RPA1: variants seen among roughly 807,000 people sequenced by gnomAD.
The protein encoded by RPA1 is replication protein A1.
RPA1 carries 49 observed loss-of-function variants against 83.0 expected under a neutral mutation model. The observed-to-expected ratio is 0.59, with a 90% CI of 0.47 to 0.75. The LOEUF (loss-of-function observed/expected upper bound fraction) is 0.75. RPA1 is among the 30% of genes least tolerant of loss of function. RPA1 has a pLI of 0.00. For missense variants in RPA1, 693 were observed against 776.1 expected (o/e 0.89, Z 1.27); for synonymous variants, 279 against 281.8 (o/e 0.99, Z 0.10).
In RPA1 at chr17:1,897,067, G is replaced by A. The variant is rs371095278; in HGVS notation, c.1747-4G>A. On this transcript the variant is annotated splice_region_variant and splice_polypyrimidine_tract_variant and intron_variant, in intron 16 of 16. Transcript: ENST00000254719. ...GCTCACAAACTACTTCTCCCTTTTT[G>A]AAGGACGAGTCTCGAATTAAGGCCA... 5 of 1,564,548 alleles carry A rather than the reference G, an allele frequency of 3.2e-6. No homozygotes were observed. In the Admixed American group the frequency reaches 5.7e-5, roughly 18 times the overall value.
chr17:1,840,672 A>G (rs1374537764), intron 1 of RPA1, among the ~76,000 whole-genome samples: 1 of 152,174 alleles, frequency 6.6e-6, no homozygotes, highest in Non-Finnish European at 1.5e-5. Context: ...CGTCTCCGAA[A>G]TGCTGGGATT....
chr17:1,885,781 G>C (rs145427331), intron 13 of RPA1, among the ~76,000 whole-genome samples: 1 of 152,066 alleles, frequency 6.6e-6, no homozygotes, highest in African/African-American at 2.4e-5. Context: ...TCCTTTTCAG[G>C]TTTTCAATTT....
At chr17:1,836,139 A>G (rs1311457326) in intron 1 of RPA1, among the ~76,000 whole-genome samples, 4 of 151,886 alleles carry the variant, frequency 2.6e-5, no homozygotes, top group African/African-American at 9.7e-5. Context: ...TATTTGAGGC[A>G]GAGTTTCCTC....
chr17:1,898,113 G>A lies in RPA1; in HGVS notation c.*938G>A, dbSNP rs898827758. The A allele has an allele frequency of 3.3e-5, 5 of 152,168 alleles. No homozygotes were observed. The highest frequency in any genetic ancestry group is 1.2e-4 in the African/African-American group (5 of 41,454). 9.4% of individuals were successfully genotyped at this position (152,168 alleles called of 1,614,324 possible). A position where few individuals can be genotyped will look rare whatever the true frequency, so the allele number is the denominator to read the frequency against. On this transcript the variant is annotated 3_prime_UTR_variant, in exon 17 of 17. Transcript: ENST00000254719. ...TGCAAAGAGTTCCTATAACTGGAAAGCAATTAATTAGCCTTCATAATAAAT... is the reference window on the plus strand; with the variant it reads ...TGCAAAGAGTTCCTATAACTGGAAAACAATTAATTAGCCTTCATAATAAAT...
At chr17:1,880,712 C>G in intron 12 of RPA1, 21 bp downstream of exon 12, 1 of 1,611,092 alleles carries the variant, frequency 6.2e-7, no homozygotes, top group South Asian at 1.1e-5. Context: ...TGGGGCTAAA[C>G]AAAGGGTTAC....
At chr17:1,851,804 T>C (rs1338618037) in intron 4 of RPA1, among the ~76,000 whole-genome samples, 1 of 150,132 alleles carries the variant, frequency 6.7e-6, no homozygotes, top group Admixed American at 6.7e-5. Flanking sequence ...CAGGAACAGA[T>C]AATTTCAGGC....
chr17:1,864,059 T>G (rs1302657730), intron 5 of RPA1, among the ~76,000 whole-genome samples: 13 of 152,240 alleles, frequency 8.5e-5, no homozygotes, highest in African/African-American at 3.1e-4. Context: ...GATGTTCATG[T>G]GGCTTATTTG....
At chr17:1,889,688 C>A (rs1248970599) in intron 14 of RPA1, among the ~76,000 whole-genome samples, 1 of 151,852 alleles carries the variant, frequency 6.6e-6, no homozygotes, top group East Asian at 1.9e-4. Flanking sequence ...TAGAACTAGG[C>A]GATAATAGCA....
Position 1,877,226 on chromosome 17 carries a change from C to G in RPA1, c.602C>G (p.Ala201Gly). The G allele has an allele frequency of 6.2e-7, 1 of 1,614,158 alleles. No individual in the cohort carries two copies. Among genetic ancestry groups the G allele is most frequent in the Non-Finnish European group, 8.5e-7 (1 of 1,180,010 alleles). Residue 201 changes from alanine to glycine, a missense_variant, in exon 8 of 17, where the codon GCT becomes GGT. By Grantham distance (60) the Ala-to-Gly change is moderately conservative (BLOSUM62 0). Coordinates refer to ENST00000254719, the MANE Select transcript of RPA1 (RefSeq NM_002945.5). ...TTGGTTTGTAGGTGGACCATTTGTG[C>G]TCGTGTTACCAACAAAAGTCAGATC... The part of the protein sequence containing the change: ...TPYQSKWTIC[A>G]RVTNKSQIRT...
Position 1,899,428 on chromosome 17 carries a change from A to C in RPA1, c.*2253A>C, listed in dbSNP as rs1047136812. The C allele has an allele frequency of 6.6e-6, 1 of 152,296 alleles. No homozygotes were observed. The highest frequency in any genetic ancestry group is 2.4e-5 in the African/African-American group (1 of 41,436). The allele number at this position is 152,296 out of a possible 1,614,324, so 9.4% of individuals were successfully genotyped here. Reference sequence around the variant, plus strand: ...AATCTAATCATTTCGCCTTTATTTCAAGTGGTTCTTGAATTCCCTCCAGTC... The same window carrying C: ...AATCTAATCATTTCGCCTTTATTTCCAGTGGTTCTTGAATTCCCTCCAGTC... On this transcript the variant is annotated 3_prime_UTR_variant, in exon 17 of 17. Coordinates refer to ENST00000254719, the MANE Select transcript of RPA1 (RefSeq NM_002945.5).
chr17:1,862,572 C>T (rs1323788233), intron 5 of RPA1, among the ~76,000 whole-genome samples: 1 of 151,642 alleles, frequency 6.6e-6, no homozygotes, highest in Non-Finnish European at 1.5e-5. Context: ...GCACACACCA[C>T]CATGCCCAGC....
chr17:1,879,310 C>T lies in RPA1; in HGVS notation c.855C>T (p.Ser285=), dbSNP rs762437946. The part of the protein sequence containing the change: ...DYEMTFNNET[S]VMPCEDDHHL... ...AGATGACCTTCAATAACGAGACTTC[C>T]GTCATGCCCTGTGAGGACGACCATC... Residue 285 remains serine, a synonymous_variant, in exon 10 of 17, where the codon TCC becomes TCT. Transcript: ENST00000254719. The T allele has an allele frequency of 2.8e-5, 46 of 1,614,040 alleles. No individual in the cohort carries two copies. The highest frequency in any genetic ancestry group is 1.6e-4 in the Middle Eastern group (1 of 6,084).
chr17:1,831,489 C>G, intron 1 of RPA1, among the ~76,000 whole-genome samples: 1 of 152,100 alleles, frequency 6.6e-6, no homozygotes, highest in Non-Finnish European at 1.5e-5. Flanking sequence ...TGCCACCATT[C>G]CCATCCACAG....
At chr17:1,872,708 CTT>C (rs34892322) in intron 6 of RPA1, among the ~76,000 whole-genome samples, 182 bp downstream of exon 6, 22,091 of 112,906 alleles carry the variant, frequency 0.2, 1,592 homozygotes, top group African/African-American at 0.26. Context: ...TAAAGATTGT[CTT>C]TTTTTTTTTT....
At chr17:1,892,230 C>T (rs962012729) in intron 15 of RPA1, among the ~76,000 whole-genome samples, 1 of 152,210 alleles carries the variant, frequency 6.6e-6, no homozygotes, top group Admixed American at 6.5e-5. Flanking sequence ...TGGTCTCGAA[C>T]TCCTGACCTC....
Position 1,879,695 on chromosome 17 carries a change from A to G in RPA1, c.1088A>G (p.Glu363Gly). 2.5e-6 allele frequency: 4 copies of G among 1,614,164 alleles called. No individual in the cohort carries two copies. Among genetic ancestry groups the G allele is most frequent in the Middle Eastern group, 1.6e-4 (1 of 6,062 alleles). ...GTGGTGACTGCTACACTGTGGGGGG[A>G]AGATGTAAGTGCTGGGATGGGGTCT... Reference protein sequence around the residue: ...GKVVTATLWGEDADKFDGSRQ... With the variant: ...GKVVTATLWGGDADKFDGSRQ... The change falls in exon 11 of 17, where the codon GAA becomes GGA. Residue 363 changes from glutamate (E) to glycine (G), a missense_variant. By Grantham distance (98) the Glu-to-Gly change is moderately conservative. Coordinates refer to ENST00000254719, the MANE Select transcript of RPA1 (RefSeq NM_002945.5).
At position 1,899,035 on chromosome 17, in the gene RPA1, G is replaced by A. The variant is rs1485985310; in HGVS notation, c.*1860G>A. 6.5e-6 allele frequency: 1 copy of A among 152,886 alleles called. No individual in the cohort carries two copies. Among genetic ancestry groups the A allele is most frequent in the African/African-American group, 2.4e-5 (1 of 41,468 alleles). 9.5% of individuals were successfully genotyped at this position (152,886 alleles called of 1,614,324 possible). On this transcript the variant is annotated 3_prime_UTR_variant, in exon 17 of 17. Coordinates refer to ENST00000254719, the MANE Select transcript of RPA1 (RefSeq NM_002945.5). ...CCTGACCAGCCGTGGTACCAGGACA[G>A]GACGTGTCCAGGGAACGCTGACACC...
Position 1,896,334 on chromosome 17 carries a change from C to T in RPA1, c.1747-737C>T, listed in dbSNP as rs139657281. The stretch of plus-strand genomic sequence containing the variant: ...TGTGCAGCCTTCCTGGGTATCACTC[C>T]GTTCTGCCCGGAAAGGCACCATTCA... On this transcript the variant is annotated intron_variant, in intron 16 of 16. Transcript: ENST00000254719. Among the ~76,000 whole-genome samples, 1,261 of 152,320 alleles carry T rather than the reference C, an allele frequency of 8.3e-3. 9 individuals carry two copies. The highest frequency in any genetic ancestry group is 0.023 in the South Asian group (112 of 4,834).
At chr17:1,895,821 T>TA (rs1235509615) in intron 16 of RPA1, among the ~76,000 whole-genome samples, 1 of 151,910 alleles carries the variant, frequency 6.6e-6, no homozygotes, top group Admixed American at 6.6e-5. Context: ...TAGCTGGGAT[T>TA]ACAGGCGCCC....
Sources: allele counts gnomAD v4.1 joint callset (sites outside exome capture counted in the v4.1 genomes callset), GRCh38; gene constraint gnomAD v4.1.1; transcripts MANE v1.5; gene names NCBI Gene and HGNC (gene_info 2026-07-23, HGNC 2026-07-21).